GYPE: variants seen among roughly 807,000 people sequenced by gnomAD.
GYPE encodes the protein glycophorin E (MNS blood group).
In GYPE, 8 loss-of-function variants were observed where a neutral mutation model predicts 11.6. That is an observed-to-expected ratio of 0.69 (90% CI 0.41 to 1.25). The LOEUF (loss-of-function observed/expected upper bound fraction) is 1.25, where lower values mean the gene tolerates loss of function less well. Ranked by LOEUF, GYPE falls within the 50% of genes most tolerant of loss-of-function variation. The pLI is 0.01. For synonymous variants in GYPE, 28 were observed against 29.6 expected (o/e 0.94, Z 0.18); for missense variants, 90 against 92.8 (o/e 0.97, Z 0.12).
intron 1 of GYPE, among the ~76,000 whole-genome samples, chr4:143,896,215 C>T (rs1229752709): frequency 6.6e-6 from 1 of 152,070 alleles, no homozygotes; most frequent in Non-Finnish European, 1.5e-5. Context: ...TCAGAGTGAA[C>T]AGGCAACCTA....
rs574245691 is a variant in GYPE, at chr4:143,873,674, G to T, written c.*10-1422C>A. Among the ~76,000 whole-genome samples, 3 of 152,222 alleles carry T rather than the reference G, an allele frequency of 2.0e-5. No homozygotes were observed. The East Asian group carries it at 5.8e-4, about 29-fold the overall frequency. On this transcript the variant is annotated intron_variant, in intron 3 of 3. Coordinates refer to ENST00000358615, the MANE Select transcript of GYPE (RefSeq NM_198682.3). ...TTCATCAGCTGATTATGTGAACTCA[G>T]GCTGAACTCTAGTCATAAAATTTGG...
In GYPE at chr4:143,876,735, T is replaced by G. The variant is rs1257090701; in HGVS notation, c.*9+11A>C. The G allele has an allele frequency of 5.6e-6, 8 of 1,434,946 alleles. No homozygotes were observed. The highest frequency in any genetic ancestry group is 1.4e-5 in the African/African-American group (1 of 71,572). The allele number at this position is 1,434,946 out of a possible 1,614,324, so 88.9% of individuals were successfully genotyped here. A position where few individuals can be genotyped will look rare whatever the true frequency, so the allele number is the denominator to read the frequency against. On this transcript the variant is annotated intron_variant, in intron 3 of 3. Transcript: ENST00000358615. ...TGGTATTTAGAGCAAAATTAAAAACTGAATTCTCACCTTTATCAGTCATCG... is the reference window on the plus strand; with the variant it reads ...TGGTATTTAGAGCAAAATTAAAAACGGAATTCTCACCTTTATCAGTCATCG...
chr4:143,884,052 C>A (rs73853569), intron 1 of GYPE, among the ~76,000 whole-genome samples: 15,991 of 151,524 alleles, frequency 0.11, 834 homozygotes, highest in African/African-American at 0.15. Context: ...CAAGACTCTG[C>A]ATGGTCCAGT....
chr4:143,889,756 T>G (rs1439368758), intron 1 of GYPE, among the ~76,000 whole-genome samples: 1 of 152,186 alleles, frequency 6.6e-6, no homozygotes, highest in Non-Finnish European at 1.5e-5. Context: ...TAACACTTAC[T>G]GCACACTTAC....
At chr4:143,903,827 G>T (rs1434279152) in intron 1 of GYPE, among the ~76,000 whole-genome samples, 2 of 151,656 alleles carry the variant, frequency 1.3e-5, no homozygotes, top group African/African-American at 4.8e-5. Flanking sequence ...TCATTTCTTT[G>T]CCAGGAACCC....
intron 1 of GYPE, among the ~76,000 whole-genome samples, chr4:143,903,041 T>C (rs4091836): frequency 0.017 from 2,116 of 124,134 alleles, no homozygotes; most frequent in South Asian, 0.025. Context: ...CTGTCCTCTT[T>C]TCCCAGAATT....
chr4:143,874,092 A>G (rs1743705987), intron 3 of GYPE, among the ~76,000 whole-genome samples: 1 of 152,080 alleles, frequency 6.6e-6, no homozygotes, highest in Admixed American at 6.6e-5. Context: ...TTGTTGCTAT[A>G]TGTATATATG....
chr4:143,889,892 C>T (rs983411557), intron 1 of GYPE, among the ~76,000 whole-genome samples: 1 of 152,184 alleles, frequency 6.6e-6, no homozygotes, highest in African/African-American at 2.4e-5. Context: ...TGCTTAAGTT[C>T]ACACAGCAGC....
At chr4:143,879,325 T>C (rs1486933066) in intron 2 of GYPE, among the ~76,000 whole-genome samples, 4 of 152,214 alleles carry the variant, frequency 2.6e-5, no homozygotes, top group African/African-American at 9.7e-5. Flanking sequence ...CACAATTTTC[T>C]AGAGTTTAAT....
At chr4:143,896,315 A>G in intron 1 of GYPE, among the ~76,000 whole-genome samples, 1 of 152,284 alleles carries the variant, frequency 6.6e-6, no homozygotes, top group South Asian at 2.1e-4. Flanking sequence ...TTACAAGAAA[A>G]AAACAAACAA....
chr4:143,883,257 C>G (rs1249604238), intron 1 of GYPE, among the ~76,000 whole-genome samples: 1 of 152,032 alleles, frequency 6.6e-6, no homozygotes, highest in Non-Finnish European at 1.5e-5. Context: ...GTAAGACGTG[C>G]CTACTTTCCC....
At chr4:143,899,502 G>T (rs995690672) in intron 1 of GYPE, among the ~76,000 whole-genome samples, 1 of 152,048 alleles carries the variant, frequency 6.6e-6, no homozygotes, top group Non-Finnish European at 1.5e-5. Context: ...AATTGTTAGG[G>T]ATCTAAATAG....
At chr4:143,885,017 C>T (rs994388208) in intron 1 of GYPE, among the ~76,000 whole-genome samples, 3 of 150,772 alleles carry the variant, frequency 2.0e-5, no homozygotes, top group South Asian at 2.1e-4. Context: ...CAGAGCTTTG[C>T]AGTAGAGGGT....
chr4:143,903,080 C>T (rs1285391636), intron 1 of GYPE, among the ~76,000 whole-genome samples: 6 of 152,066 alleles, frequency 3.9e-5, no homozygotes, highest in African/African-American at 7.3e-5. Context: ...CTCCTTGTTC[C>T]ACGTTTAGCA....
chr4:143,883,699 T>TA (rs1246983303), intron 1 of GYPE, among the ~76,000 whole-genome samples: 2 of 139,320 alleles, frequency 1.4e-5, no homozygotes, highest in Non-Finnish European at 3.1e-5. Flanking sequence ...AATTGTTTAA[T>TA]AAATTAAACC....
intron 1 of GYPE, among the ~76,000 whole-genome samples, chr4:143,901,233 A>G (rs1849108): frequency 6.6e-6 from 1 of 152,194 alleles, no homozygotes; most frequent in Admixed American, 6.5e-5. Context: ...TTTGGGTTAG[A>G]CAGAAATTCT....
At chr4:143,896,693 A>G (rs1744656750) in intron 1 of GYPE, among the ~76,000 whole-genome samples, 1 of 152,208 alleles carries the variant, frequency 6.6e-6, no homozygotes, top group African/African-American at 2.4e-5. Context: ...TGCTGCTATA[A>G]AGACACATGC....
At chr4:143,891,169 A>G (rs2149911419) in intron 1 of GYPE, among the ~76,000 whole-genome samples, 2 of 151,704 alleles carry the variant, frequency 1.3e-5, no homozygotes, top group Non-Finnish European at 3.0e-5. Flanking sequence ...TACTACAAAT[A>G]TTCAACTCTG....
rs950617773 is a variant in GYPE, at chr4:143,888,545, G to C, written c.38-8036C>G. Among the ~76,000 whole-genome samples, 4 of 148,802 alleles carry C rather than the reference G, an allele frequency of 2.7e-5. No individual in the cohort carries two copies. The Admixed American group carries it at 2.7e-4, about 10-fold the overall frequency. Reference sequence around the variant, plus strand: ...TGAAAACTACTTGATAAATGCATCTGTGGAAGTTATGCTCAGCTAATTTGT... The same window carrying C: ...TGAAAACTACTTGATAAATGCATCTCTGGAAGTTATGCTCAGCTAATTTGT... On this transcript the variant is annotated intron_variant, in intron 1 of 3. Coordinates refer to ENST00000358615, the MANE Select transcript of GYPE (RefSeq NM_198682.3).
Sources: gnomAD v4.1 joint callset for allele counts (sites outside exome capture counted in the v4.1 genomes callset) on GRCh38, gnomAD v4.1.1 for gene constraint, MANE v1.5 for transcripts, NCBI Gene and HGNC (gene_info 2026-07-23, HGNC 2026-07-21) for gene names.